The following TRPC5 variants were observed in gnomAD, a reference collection of about 807,000 sequenced individuals.
The protein encoded by TRPC5 is short transient receptor potential channel 5.
In TRPC5, 9 loss-of-function variants were observed where a neutral mutation model predicts 56.5. That is an observed-to-expected ratio of 0.16 (90% CI 0.10 to 0.28). TRPC5 has a LOEUF of 0.28. TRPC5 is among the 10% of genes least tolerant of loss of function. TRPC5 has a pLI of 1.00. For synonymous variants in TRPC5, 282 were observed against 278.5 expected, an observed-to-expected ratio of 1.01 and a Z score of -0.13; for missense variants, 469 against 748.9, an observed-to-expected ratio of 0.63 and a Z score of 4.36.
At chrX:112,072,207 G>A (rs969089005) in intron 1 of TRPC5, among the ~76,000 whole-genome samples, 3 of 111,570 alleles carry the variant, frequency 2.7e-5, no homozygotes, top group African/African-American at 9.8e-5. Flanking sequence ...TGTGACCTTG[G>A]GCATGAGACC....
chrX:111,806,434 A>G (rs972822912), intron 7 of TRPC5, among the ~76,000 whole-genome samples: 1 of 111,987 alleles, frequency 8.9e-6, no homozygotes, highest in Non-Finnish European at 1.9e-5. Context: ...TTCATGGGCT[A>G]TGCGGCTGAA....
intron 2 of TRPC5, among the ~76,000 whole-genome samples, chrX:111,942,937 C>T (rs1325629291): frequency 2.7e-5 from 3 of 111,829 alleles, no homozygotes; most frequent in African/African-American, 6.5e-5. Flanking sequence ...GTGCTTAATA[C>T]ATTTTTTTAA....
intron 1 of TRPC5, among the ~76,000 whole-genome samples, chrX:111,961,118 T>A (rs2148642549): frequency 8.9e-6 from 1 of 112,350 alleles, no homozygotes; most frequent in South Asian, 3.7e-4. Flanking sequence ...CCTACAAAAT[T>A]GTTTTTAAAT....
At chrX:111,835,179 A>G in intron 6 of TRPC5, 63 bp from the exon 7 acceptor site, 2 of 983,873 alleles carry the variant, frequency 2.0e-6, no homozygotes, top group Non-Finnish European at 2.8e-6. Flanking sequence ...GAGAGAGAAA[A>G]TGTAAGGTGA....
chrX:111,920,950 A>G (rs942937980), intron 2 of TRPC5, among the ~76,000 whole-genome samples: 1 of 111,944 alleles, frequency 8.9e-6, no homozygotes. Context: ...TGTCTAGTAT[A>G]TTTTCTGGAT....
In TRPC5 at chrX:111,776,681, A is replaced by G. The variant is rs1945881365; in HGVS notation, c.2554T>C (p.Phe852Leu). ...CTGGGTTCAGACATATGACCATTAA[A>G]TTTGGAGAATAGGAGACCCAGTTTC... ...LKKLGLLFSK[F>L]NGHMSEPSSE... Residue 852 changes from phenylalanine to leucine, a missense_variant, in exon 11 of 11, where the codon TTT becomes CTT. Physicochemically the swap from Phe to Leu is conservative, Grantham distance 22. Around this residue, in one of 3 missense-constraint regions of TRPC5, gnomAD observed 194 missense variants for 221.8 expected, o/e 0.87. Transcript: ENST00000262839. The G allele has an allele frequency of 3.3e-6, 4 of 1,211,722 alleles. No individual in the cohort carries two copies. Among genetic ancestry groups the G allele is most frequent in the Non-Finnish European group, 4.5e-6 (4 of 895,531 alleles).
intron 2 of TRPC5, among the ~76,000 whole-genome samples, chrX:111,937,862 G>GT (rs1313748811): frequency 9.4e-6 from 1 of 106,913 alleles, no homozygotes; most frequent in Admixed American, 1.0e-4. Flanking sequence ...CTTTAAAGTA[G>GT]TTTTTTCCAA....
At chrX:112,034,193 G>A (rs1052655920) in intron 1 of TRPC5, among the ~76,000 whole-genome samples, 15 of 111,271 alleles carry the variant, frequency 1.3e-4, no homozygotes, top group Non-Finnish European at 2.8e-4. Context: ...GATATAAATT[G>A]CACTGAATCT....
At chrX:111,920,317 C>T (rs775738689) in intron 2 of TRPC5, among the ~76,000 whole-genome samples, 2 of 110,775 alleles carry the variant, frequency 1.8e-5, no homozygotes, top group African/African-American at 6.6e-5. Context: ...AAAGCAAACT[C>T]CCCAGCACAG....
intron 2 of TRPC5, among the ~76,000 whole-genome samples, chrX:111,931,510 A>G (rs757669755): frequency 8.9e-6 from 1 of 111,976 alleles, no homozygotes; most frequent in South Asian, 3.8e-4. Flanking sequence ...CAAAGCTCAG[A>G]CTATTCTAAA....
chrX:111,912,789 C>T lies in TRPC5; in HGVS notation c.402G>A (p.Thr134=), dbSNP rs1181661291. The change falls in exon 3 of 11, where the codon ACG becomes ACA. Residue 134 remains threonine (T), a synonymous_variant. Transcript: ENST00000262839. ...TGTCCGGTGTGAATTCAGAGAACTG[C>T]GTGTCCATCATCAGAGTGGGGACCT... ...EKQVPTLMMD[T]QFSEFTPDIT... is the part of the protein sequence containing the mutation. 4 of 1,199,973 alleles carry T rather than the reference C, an allele frequency of 3.3e-6. No homozygotes were observed. The highest frequency in any genetic ancestry group is 3.5e-5 in the South Asian group (2 of 56,397).
chrX:111,926,732 CA>C (rs1214794724), intron 2 of TRPC5, among the ~76,000 whole-genome samples: 1 of 111,938 alleles, frequency 8.9e-6, no homozygotes, highest in Non-Finnish European at 1.9e-5. Context: ...AGCTGAGGCT[CA>C]AAAAGGTAAG....
intron 1 of TRPC5, among the ~76,000 whole-genome samples, chrX:112,047,252 G>C (rs150411548): frequency 0.016 from 1,827 of 110,995 alleles, 34 homozygotes; most frequent in African/African-American, 0.057. Context: ...TAGGATGTTG[G>C]AACTGCATCC....
At chrX:112,028,467 GC>G (rs1929484822) in intron 1 of TRPC5, among the ~76,000 whole-genome samples, 1 of 110,871 alleles carries the variant, frequency 9.0e-6, no homozygotes, top group Non-Finnish European at 1.9e-5. Flanking sequence ...GATGTTCCCT[GC>G]CCTGTGTCCA....
At chrX:111,881,344 C>G (rs1035571666) in intron 3 of TRPC5, among the ~76,000 whole-genome samples, 2 of 109,748 alleles carry the variant, frequency 1.8e-5, no homozygotes, top group Non-Finnish European at 3.8e-5. Context: ...ACCCAGCTAA[C>G]TTCTTGTATT....
intron 10 of TRPC5, 80 bp downstream of exon 10, chrX:111,778,905 C>T: frequency 2.9e-6 from 2 of 681,241 alleles, no homozygotes; most frequent in South Asian, 3.2e-5. Context: ...GAAATTCCAT[C>T]ACCAGAAACC....
intron 1 of TRPC5, among the ~76,000 whole-genome samples, chrX:111,961,874 G>C (rs1927391217): frequency 9.0e-6 from 1 of 111,355 alleles, no homozygotes; most frequent in African/African-American, 3.3e-5. Context: ...ACAGTTGACT[G>C]GATTTAAAAA....
intron 1 of TRPC5, among the ~76,000 whole-genome samples, chrX:112,069,825 T>C (rs778722309): frequency 1.3e-4 from 14 of 111,450 alleles, no homozygotes; most frequent in Non-Finnish European, 2.4e-4. Context: ...TTTGGATTTA[T>C]CCTGGACACC....
intron 2 of TRPC5, among the ~76,000 whole-genome samples, chrX:111,927,398 A>G (rs937686067): frequency 1.8e-5 from 2 of 112,407 alleles, no homozygotes; most frequent in Non-Finnish European, 3.8e-5. Flanking sequence ...CTACCAAAAT[A>G]CAAGATTCAG....
Sources: allele counts gnomAD v4.1 joint callset (sites outside exome capture counted in the v4.1 genomes callset), GRCh38; gene constraint gnomAD v4.1.1; regional missense constraint gnomAD v4.1.1; transcripts MANE v1.5; gene names NCBI Gene and HGNC (gene_info 2026-07-23, HGNC 2026-07-21).